The following FGF10 variants were observed in gnomAD, a reference collection of about 807,000 sequenced individuals.
The protein encoded by FGF10 is FGF-10.
In FGF10, 2 loss-of-function variants were observed where a neutral mutation model predicts 19.8. The ratio of observed to expected loss-of-function variants is 0.10; its 90% CI spans 0.04 to 0.32. The LOEUF is 0.32. Ranked by LOEUF, FGF10 falls within the 10% of genes least tolerant of loss-of-function variation. The pLI is 1.00. For missense variants in FGF10, 191 were observed against 246.3 expected (o/e 0.78, Z 1.50); for synonymous variants, 112 against 94.0 (o/e 1.19, Z -1.10).
intron 1 of FGF10, among the ~76,000 whole-genome samples, chr5:44,368,433 C>A (rs1189465347): frequency 2.0e-5 from 3 of 152,044 alleles, no homozygotes; most frequent in African/African-American, 7.2e-5. Flanking sequence ...TCCACACCTC[C>A]ATGAAGTCTT....
intron 1 of FGF10, among the ~76,000 whole-genome samples, chr5:44,325,343 T>A (rs986449761): frequency 3.9e-5 from 6 of 151,984 alleles, no homozygotes; most frequent in Non-Finnish European, 7.4e-5. Flanking sequence ...CTCAGGGATC[T>A]AGAACTAGAA....
At chr5:44,329,293 C>A in intron 1 of FGF10, among the ~76,000 whole-genome samples, 1 of 152,174 alleles carries the variant, frequency 6.6e-6, no homozygotes, top group East Asian at 1.9e-4. Context: ...TCTTCTGCCT[C>A]AGCCTCCTGA....
intron 1 of FGF10, among the ~76,000 whole-genome samples, chr5:44,364,058 G>A (rs1337108694): frequency 6.6e-6 from 1 of 151,812 alleles, no homozygotes; most frequent in Non-Finnish European, 1.5e-5. Context: ...CTGAGATCCT[G>A]GCTATCCACC....
chr5:44,322,283 G>A (rs1579903872), intron 1 of FGF10, among the ~76,000 whole-genome samples: 1 of 152,318 alleles, frequency 6.6e-6, no homozygotes, highest in East Asian at 1.9e-4. Flanking sequence ...AATGAGAACT[G>A]TGTTCAAGTC....
Position 44,388,870 on chromosome 5 carries a change from C to A in FGF10, c.-188G>T, listed in dbSNP as rs1411728928. The A allele has an allele frequency of 1.1e-5, 7 of 665,930 alleles. No individual in the cohort carries two copies. The highest frequency in any genetic ancestry group is 8.9e-5 in the African/African-American group (5 of 56,182). The allele number at this position is 665,930 out of a possible 1,614,324, so 41.3% of individuals were successfully genotyped here. A position where few individuals can be genotyped will look rare whatever the true frequency, so the allele number is the denominator to read the frequency against. Reference sequence around the variant, plus strand: ...CTCGGAAAAGCCGGCTGACTCCCCTCGCTCCTTTCTCGGATCCGCTGCCTA... The same window carrying A: ...CTCGGAAAAGCCGGCTGACTCCCCTAGCTCCTTTCTCGGATCCGCTGCCTA... On this transcript the variant is annotated 5_prime_UTR_variant, in exon 1 of 3. Transcript: ENST00000264664.
At chr5:44,349,118 T>C (rs1002840499) in intron 1 of FGF10, among the ~76,000 whole-genome samples, 1 of 151,168 alleles carries the variant, frequency 6.6e-6, no homozygotes, top group Admixed American at 6.6e-5. Context: ...ATTAAAGTTG[T>C]GTTTATTTTC....
chr5:44,323,998 C>T (rs1456426433), intron 1 of FGF10, among the ~76,000 whole-genome samples: 1 of 150,938 alleles, frequency 6.6e-6, no homozygotes, highest in African/African-American at 2.4e-5. Flanking sequence ...AATGTATATC[C>T]CTATCTATCT....
intron 2 of FGF10, among the ~76,000 whole-genome samples, chr5:44,306,505 C>G (rs1453964312): frequency 6.7e-6 from 1 of 149,216 alleles, no homozygotes; most frequent in African/African-American, 2.5e-5. Context: ...CCCTCTGGTT[C>G]TATCTTCTTC....
chr5:44,349,163 C>T (rs994700557), intron 1 of FGF10, among the ~76,000 whole-genome samples: 2 of 150,768 alleles, frequency 1.3e-5, no homozygotes, highest in African/African-American at 4.9e-5. Context: ...GCCCCTCTCC[C>T]ACTTTCTACT....
rs192132417 is a variant in FGF10 at position 44,367,488 on chromosome 5, G to T, written c.325+20870C>A. 1.2e-3 allele frequency among the ~76,000 whole-genome samples: 185 copies of T among 152,130 alleles called. 2 individuals carry two copies. The highest frequency in any genetic ancestry group is 6.7e-3 in the Admixed American group (102 of 15,252). On this transcript the variant is annotated intron_variant, in intron 1 of 2. Coordinates refer to ENST00000264664, the MANE Select transcript of FGF10 (RefSeq NM_004465.2). ...TTGCATCTTATCAAAGGGCACAATA[G>T]CTTAGTGATTAAGTGCACAGGAACT...
intron 1 of FGF10, among the ~76,000 whole-genome samples, chr5:44,346,610 T>G (rs554103643): frequency 9.7e-4 from 147 of 152,002 alleles, no homozygotes; most frequent in Non-Finnish European, 1.9e-3. Flanking sequence ...GCACTCTGCC[T>G]GAGCTTTATT....
chr5:44,362,167 G>C (rs1298085868), intron 1 of FGF10, among the ~76,000 whole-genome samples: 1 of 151,660 alleles, frequency 6.6e-6, no homozygotes. Context: ...ACTTGGACTA[G>C]TTACTCCTTA....
intron 1 of FGF10, among the ~76,000 whole-genome samples, chr5:44,347,841 C>T (rs922633879): frequency 6.6e-5 from 10 of 151,612 alleles, no homozygotes; most frequent in Admixed American, 1.3e-4. Context: ...TTTATTGTTC[C>T]TATAGAAAAA....
intron 1 of FGF10, among the ~76,000 whole-genome samples, chr5:44,376,518 C>CAAAAAAAAA (rs1265124775): frequency 3.7e-4 from 27 of 72,744 alleles, no homozygotes; most frequent in Non-Finnish European, 5.7e-4. Flanking sequence ...AAAAAAAAAA[C>CAAAAAAAAA]AAAAAACCCA....
intron 1 of FGF10, among the ~76,000 whole-genome samples, chr5:44,353,532 G>A (rs2111830813): frequency 6.6e-6 from 1 of 151,428 alleles, no homozygotes; most frequent in Admixed American, 6.6e-5. Flanking sequence ...CAAGCCCCTT[G>A]GTAATTATGT....
intron 1 of FGF10, among the ~76,000 whole-genome samples, chr5:44,340,069 C>A (rs866849511): frequency 6.6e-6 from 1 of 152,034 alleles, no homozygotes; most frequent in Non-Finnish European, 1.5e-5. Flanking sequence ...CACTACTAAG[C>A]CAAAGTGGCC....
At chr5:44,307,347 T>G (rs529345912) in intron 2 of FGF10, among the ~76,000 whole-genome samples, 66 of 151,934 alleles carry the variant, frequency 4.3e-4, no homozygotes, top group African/African-American at 1.6e-3. Flanking sequence ...GTTCAGGGAG[T>G]TTTTTTAAAA....
intron 2 of FGF10, among the ~76,000 whole-genome samples, chr5:44,305,723 A>C (rs2111669379): frequency 6.6e-6 from 1 of 152,204 alleles, no homozygotes; most frequent in African/African-American, 2.4e-5. Flanking sequence ...GCATAACCAA[A>C]AGGGGGGGAT....
chr5:44,323,408 A>G (rs2111734289), intron 1 of FGF10, among the ~76,000 whole-genome samples: 1 of 152,314 alleles, frequency 6.6e-6, no homozygotes, highest in Non-Finnish European at 1.5e-5. Context: ...ATTAGAACTC[A>G]GCATGAAAAT....
Sources: allele counts gnomAD v4.1 joint callset (sites outside exome capture counted in the v4.1 genomes callset), GRCh38; gene constraint gnomAD v4.1.1; transcripts MANE v1.5; gene names NCBI Gene and HGNC (gene_info 2026-07-23, HGNC 2026-07-21).